Variants in AIG1 observed in about 807,000 individuals in gnomAD.
The protein encoded by AIG1 is androgen induced 1.
Under a neutral mutation model 31.4 loss-of-function variants are expected in AIG1, and 23 were observed. That is an observed-to-expected ratio of 0.73 (90% CI 0.53 to 1.04). The LOEUF (loss-of-function observed/expected upper bound fraction) is 1.04. AIG1 is among the 50% of genes least tolerant of loss of function. AIG1 has a pLI of 0.00. For synonymous variants in AIG1, 100 were observed against 110.5 expected (o/e 0.90, Z 0.60); for missense variants, 274 against 295.0 (o/e 0.93, Z 0.52).
chr6:143,290,798 A>G (rs2128687587), intron 4 of AIG1, among the ~76,000 whole-genome samples: 1 of 152,250 alleles, frequency 6.6e-6, no homozygotes, highest in East Asian at 1.9e-4. Context: ...ACGTCTGACT[A>G]GCTACCTGCT....
rs1485550659 is a variant in AIG1, at chr6:143,340,000, T to A, written c.*324T>A. The A allele has an allele frequency of 4.6e-6, 1 of 215,084 alleles. No homozygotes were observed. Among genetic ancestry groups the A allele is most frequent in the African/African-American group, 2.3e-5 (1 of 43,074 alleles). The allele number at this position is 215,084 out of a possible 1,614,324, so 13.3% of individuals were successfully genotyped here. ...GTAACTCCATCTAATCAAGAAAGAA[T>A]AAAAGTTTATTGCACTTCTTTTTGA... On this transcript the variant is annotated 3_prime_UTR_variant, in exon 6 of 6. Coordinates refer to ENST00000357847, the MANE Select transcript of AIG1 (RefSeq NM_016108.4).
At chr6:143,071,214 T>A (rs547761756) in intron 1 of AIG1, among the ~76,000 whole-genome samples, 3 of 152,344 alleles carry the variant, frequency 2.0e-5, no homozygotes, top group African/African-American at 4.8e-5. Context: ...TTGCTTTTTT[T>A]AAAAATCAGA....
Position 143,137,537 on chromosome 6 carries a change from G to T in AIG1, c.297+547G>T, listed in dbSNP as rs112973580. Among the ~76,000 whole-genome samples, 464 of 152,230 alleles carry T rather than the reference G, an allele frequency of 3.0e-3. 5 individuals are homozygous for T. The highest frequency in any genetic ancestry group is 0.011 in the African/African-American group (445 of 41,528). ...TGGGTCAACCAGGCTTTTGAACTTG[G>T]GAGAGGAGATCAGTATTAGCTCATA... On this transcript the variant is annotated intron_variant, in intron 2 of 5. Transcript: ENST00000357847.
intron 3 of AIG1, among the ~76,000 whole-genome samples, chr6:143,196,350 A>AACACACACAC (rs71784011): frequency 0.014 from 2,010 of 141,676 alleles, 19 homozygotes; most frequent in Middle Eastern, 0.014. Context: ...CAACAAAAGC[A>AACACACACAC]ACACACACAC....
chr6:143,227,042 A>G (rs1001818538), intron 3 of AIG1, among the ~76,000 whole-genome samples: 3 of 92,432 alleles, frequency 3.2e-5, no homozygotes, highest in African/African-American at 1.3e-4. Context: ...AGTATAGTTT[A>G]TGTGTGACCC....
In AIG1 at chr6:143,297,191, T is replaced by C. The variant is rs1583780091; in HGVS notation, c.515+12966T>C. ...GACATGTAAGCTGCCTCTTGGAGGG[T>C]GAATAAGAGTTAGCTTTGTGAAGGT... On this transcript the variant is annotated intron_variant, in intron 4 of 5. Coordinates refer to ENST00000357847, the MANE Select transcript of AIG1 (RefSeq NM_016108.4). This position sits in a 1 kb window ranked among gnomAD's most constrained non-coding sequence, Gnocchi z 5.1. 6.6e-6 allele frequency among the ~76,000 whole-genome samples: 1 copy of C among 151,752 alleles called. No homozygotes were observed. Among genetic ancestry groups the C allele is most frequent in the East Asian group, 1.9e-4 (1 of 5,172 alleles).
At chr6:143,130,881 A>C (rs1385210539) in intron 1 of AIG1, among the ~76,000 whole-genome samples, 1 of 151,250 alleles carries the variant, frequency 6.6e-6, no homozygotes, top group African/African-American at 2.4e-5. Flanking sequence ...TCCCACCTCC[A>C]CCCCTCAATA....
At chr6:143,289,693 C>A (rs1297890960) in intron 4 of AIG1, among the ~76,000 whole-genome samples, 1 of 152,094 alleles carries the variant, frequency 6.6e-6, no homozygotes, top group African/African-American at 2.4e-5. Flanking sequence ...TTTTGTACCT[C>A]AAGTTTCTGC....
chr6:143,059,670 GA>G (rs1217922092), upstream of AIG1, among the ~76,000 whole-genome samples: 3 of 152,102 alleles, frequency 2.0e-5, no homozygotes, highest in Non-Finnish European at 4.4e-5. Context: ...AAACATTCAG[GA>G]AAACATCCAT....
intron 1 of AIG1, among the ~76,000 whole-genome samples, chr6:143,105,759 T>A (rs1780746712): frequency 6.6e-6 from 1 of 152,242 alleles, no homozygotes; most frequent in South Asian, 2.1e-4. Context: ...CACACAGCTG[T>A]CATATGCATT....
At chr6:143,095,770 C>A (rs1408087810) in intron 1 of AIG1, among the ~76,000 whole-genome samples, 1 of 151,260 alleles carries the variant, frequency 6.6e-6, no homozygotes, top group Non-Finnish European at 1.5e-5. Context: ...ATTGAACAAG[C>A]CAAGAAAGGA....
At chr6:143,162,894 A>C (rs961107973) in intron 2 of AIG1, among the ~76,000 whole-genome samples, 1 of 152,142 alleles carries the variant, frequency 6.6e-6, no homozygotes, top group Admixed American at 6.5e-5. Context: ...CTCGAAAGGA[A>C]GAGGTGCATG....
At chr6:143,083,295 A>C (rs1287642035) in intron 1 of AIG1, among the ~76,000 whole-genome samples, 1 of 152,234 alleles carries the variant, frequency 6.6e-6, no homozygotes, top group Non-Finnish European at 1.5e-5. Flanking sequence ...TGAGTGTCCA[A>C]GTATGAGAAC....
intron 4 of AIG1, among the ~76,000 whole-genome samples, chr6:143,303,923 C>T (rs1386136347): frequency 2.0e-5 from 3 of 148,226 alleles, no homozygotes; most frequent in Non-Finnish European, 3.0e-5. Context: ...TTGTAGTTCT[C>T]CTTGAAGAGG....
At position 143,151,848 on chromosome 6, in the gene AIG1, A is replaced by G. The variant is rs77918140; in HGVS notation, c.298-13234A>G. On this transcript the variant is annotated intron_variant, in intron 2 of 5. Coordinates refer to ENST00000357847, the MANE Select transcript of AIG1 (RefSeq NM_016108.4). The stretch of plus-strand genomic sequence containing the variant: ...TCTGGGTGAACTTGAATTGGATGAT[A>G]CTAGTGGCTAGTAGTCAAATTACTA... Among the ~76,000 whole-genome samples the G allele has an allele frequency of 4.1e-4, 62 of 152,328 alleles. No individual in the cohort carries two copies. In the East Asian group the frequency reaches 9.2e-3, roughly 23 times the overall value.
At chr6:143,274,065 A>G (rs889492660) in intron 3 of AIG1, among the ~76,000 whole-genome samples, 85 of 152,166 alleles carry the variant, frequency 5.6e-4, no homozygotes, top group African/African-American at 1.9e-3. Context: ...TGACATGGGC[A>G]TAAAGACTGA....
At chr6:143,175,889 T>A (rs1260358856) in intron 3 of AIG1, among the ~76,000 whole-genome samples, 1 of 152,206 alleles carries the variant, frequency 6.6e-6, no homozygotes, top group Non-Finnish European at 1.5e-5. Context: ...CCTTGTTTTG[T>A]CATGTTACCA....
At chr6:143,068,763 T>A (rs565185536) in intron 1 of AIG1, among the ~76,000 whole-genome samples, 11 of 151,908 alleles carry the variant, frequency 7.2e-5, no homozygotes, top group Non-Finnish European at 1.2e-4. Context: ...GGAACTTTAG[T>A]ACATACAGGA....
intron 1 of AIG1, among the ~76,000 whole-genome samples, chr6:143,080,272 T>C (rs910751618): frequency 6.6e-6 from 1 of 152,136 alleles, no homozygotes; most frequent in Admixed American, 6.5e-5. Flanking sequence ...GTCATCAACA[T>C]TGGAGCATGG....
Sources: allele counts gnomAD v4.1 joint callset (sites outside exome capture counted in the v4.1 genomes callset), GRCh38; gene constraint gnomAD v4.1.1; non-coding constraint Gnocchi (gnomAD v3.1); transcripts MANE v1.5; gene names NCBI Gene and HGNC (gene_info 2026-07-23, HGNC 2026-07-21).